The following PJA2 variants were observed in gnomAD, a reference collection of about 807,000 sequenced individuals.
The protein encoded by PJA2 is praja ring finger ubiquitin ligase 2, also known as E3 ubiquitin-protein ligase Praja-2.
A neutral mutation model predicts 69.3 loss-of-function variants in PJA2; 25 were observed. The ratio of observed to expected loss-of-function variants is 0.36; its 90% CI spans 0.26 to 0.50. PJA2 has a LOEUF of 0.50. Ranked by LOEUF, PJA2 falls within the 20% of genes least tolerant of loss-of-function variation. The probability of loss-of-function intolerance (pLI) is 0.96; values close to 1 mark genes in which losing one functional copy is unlikely to be tolerated. For synonymous variants in PJA2, 308 were observed against 277.8 expected (o/e 1.11, Z -1.08); for missense variants, 809 against 830.2 (o/e 0.97, Z 0.31).
intron 4 of PJA2, among the ~76,000 whole-genome samples, 186 bp from the exon 5 acceptor site, chr5:109,368,932 A>C (rs1307384522): frequency 6.6e-6 from 1 of 151,976 alleles, no homozygotes; most frequent in Non-Finnish European, 1.5e-5. Flanking sequence ...CCTTCATAAG[A>C]GTTTAGCATT....
intron 7 of PJA2, among the ~76,000 whole-genome samples, chr5:109,345,983 AT>A (rs1762167814): frequency 6.6e-6 from 1 of 152,156 alleles, no homozygotes; most frequent in Non-Finnish European, 1.5e-5. Flanking sequence ...AACCTGTACA[AT>A]TACTTGCTCT....
chr5:109,343,821 C>T (rs144788782), intron 9 of PJA2, among the ~76,000 whole-genome samples: 4 of 152,158 alleles, frequency 2.6e-5, no homozygotes, highest in African/African-American at 7.2e-5. Flanking sequence ...ATTGGCTGGG[C>T]GTGGTGGCTC....
chr5:109,361,205 G>T (rs564305305), intron 6 of PJA2, among the ~76,000 whole-genome samples: 3 of 152,172 alleles, frequency 2.0e-5, no homozygotes, highest in African/African-American at 4.8e-5. Context: ...CCTTTTGGAA[G>T]TATTTGGAAA....
chr5:109,394,039 CTTT>C (rs75679188), intron 1 of PJA2, among the ~76,000 whole-genome samples: 8 of 81,880 alleles, frequency 9.8e-5, no homozygotes, highest in East Asian at 2.9e-4. Context: ...TTCTAATTCT[CTTT>C]TTTTTTTTTT....
intron 6 of PJA2, among the ~76,000 whole-genome samples, chr5:109,360,934 C>T (rs1762494225): frequency 6.6e-6 from 1 of 152,104 alleles, no homozygotes; most frequent in Non-Finnish European, 1.5e-5. Flanking sequence ...TCGAGACCAG[C>T]CCGGGCAACA....
At chr5:109,352,801 G>C (rs1197018312) in intron 7 of PJA2, among the ~76,000 whole-genome samples, 1 of 150,724 alleles carries the variant, frequency 6.6e-6, no homozygotes, top group Non-Finnish European at 1.5e-5. Context: ...TATTAGATAT[G>C]TATATATTAG....
intron 1 of PJA2, among the ~76,000 whole-genome samples, chr5:109,405,528 CATG>C (rs1158882417): frequency 6.6e-6 from 1 of 152,088 alleles, no homozygotes; most frequent in East Asian, 1.9e-4. Context: ...TAAAAATAAC[CATG>C]ATAACTCAGT....
intron 9 of PJA2, among the ~76,000 whole-genome samples, chr5:109,341,503 G>T (rs1762056651): frequency 7.0e-6 from 1 of 142,660 alleles, no homozygotes; most frequent in Non-Finnish European, 1.6e-5. Flanking sequence ...CATCTGGGAA[G>T]TGAGGAGCGT....
At chr5:109,377,967 A>G (rs1370680557) in intron 4 of PJA2, among the ~76,000 whole-genome samples, 10 of 152,200 alleles carry the variant, frequency 6.6e-5, no homozygotes, top group Admixed American at 4.6e-4. Context: ...CTTTATAATA[A>G]TAATCATTAT....
rs1031428024 is a variant in PJA2, at chr5:109,335,057, A to C, written c.*2174T>G. ...TAAATGCTATTTTATTAATATTCATACTTATTTCTAATTTACCTTCATATA... is the reference window on the plus strand; with the variant it reads ...TAAATGCTATTTTATTAATATTCATCCTTATTTCTAATTTACCTTCATATA... On this transcript the variant is annotated 3_prime_UTR_variant, in exon 10 of 10. Transcript: ENST00000361189. The C allele has an allele frequency of 2.0e-5, 3 of 152,660 alleles. No individual in the cohort carries two copies. The highest frequency in any genetic ancestry group is 2.9e-5 in the Non-Finnish European group (2 of 68,026). 9.5% of individuals were successfully genotyped at this position (152,660 alleles called of 1,614,324 possible). A position where few individuals can be genotyped will look rare whatever the true frequency, so the allele number is the denominator to read the frequency against.
Position 109,337,312 on chromosome 5 carries a change from A to C in PJA2, c.2046T>G (p.Val682=). ...AGGAAGGAGCTGCAGATGCTTCAAT[A>C]ACCGCAGGTGGGAAATGACGGCGGC... ...PVCRRHFPPA[V]IEASAAPSSE... Residue 682 remains valine, a synonymous_variant, in exon 10 of 10, where the codon GTT becomes GTG. Coordinates refer to ENST00000361189, the MANE Select transcript of PJA2 (RefSeq NM_014819.5). 6.2e-7 allele frequency: 1 copy of C among 1,613,540 alleles called. No individual in the cohort carries two copies. The highest frequency in any genetic ancestry group is 1.7e-5 in the Admixed American group (1 of 59,916).
intron 7 of PJA2, among the ~76,000 whole-genome samples, chr5:109,351,079 A>G (rs979948457): frequency 1.3e-5 from 2 of 151,294 alleles, no homozygotes; most frequent in African/African-American, 2.4e-5. Context: ...CTAATGACTA[A>G]GTAACAAATC....
At chr5:109,342,530 G>A (rs1465175775) in intron 9 of PJA2, among the ~76,000 whole-genome samples, 1 of 117,136 alleles carries the variant, frequency 8.5e-6, no homozygotes, top group South Asian at 2.8e-4. Flanking sequence ...GGTGGGGGGG[G>A]TCAGCTCCCC....
intron 7 of PJA2, among the ~76,000 whole-genome samples, chr5:109,354,791 A>T (rs890868129): frequency 6.6e-6 from 1 of 150,464 alleles, no homozygotes; most frequent in African/African-American, 2.4e-5. Flanking sequence ...AATATTAGAT[A>T]GGTACCTGCT....
At chr5:109,385,489 G>C (rs916117006) in intron 1 of PJA2, among the ~76,000 whole-genome samples, 2 of 152,226 alleles carry the variant, frequency 1.3e-5, no homozygotes, top group Non-Finnish European at 2.9e-5. Context: ...GGAAGAGCCA[G>C]ATTTGAAGAA....
chr5:109,363,079 C>T, intron 5 of PJA2, 57 bp from the exon 6 acceptor site: 1 of 1,426,890 alleles, frequency 7.0e-7, no homozygotes, highest in Admixed American at 1.9e-5. Context: ...TACCATAACA[C>T]TGTCTTTAAT....
At chr5:109,390,993 C>T (rs1747268171) in intron 1 of PJA2, among the ~76,000 whole-genome samples, 1 of 152,142 alleles carries the variant, frequency 6.6e-6, no homozygotes, top group Non-Finnish European at 1.5e-5. Flanking sequence ...CTTCAAACTA[C>T]AGATGCTCCT....
At chr5:109,342,649 G>C (rs1291692552) in intron 9 of PJA2, among the ~76,000 whole-genome samples, 1 of 118,718 alleles carries the variant, frequency 8.4e-6, no homozygotes, top group African/African-American at 3.6e-5. Flanking sequence ...CCGGGAGGGA[G>C]GTGGGGGTGT....
intron 2 of PJA2, among the ~76,000 whole-genome samples, chr5:109,382,060 ATATAT>A (rs1289356604): frequency 1.3e-5 from 2 of 152,144 alleles, no homozygotes; most frequent in African/African-American, 4.8e-5. Context: ...TAAGTACCTT[ATATAT>A]TATATTAATA....
Sources: gnomAD v4.1 joint callset for allele counts (sites outside exome capture counted in the v4.1 genomes callset) on GRCh38, gnomAD v4.1.1 for gene constraint, MANE v1.5 for transcripts, NCBI Gene and HGNC (gene_info 2026-07-23, HGNC 2026-07-21) for gene names.